The following CNIH3 variants were observed in gnomAD, a reference collection of about 807,000 sequenced individuals.
CNIH3 encodes the protein cornichon family AMPA receptor auxiliary protein 3, also known as protein cornichon homolog 3.
In CNIH3, 14 loss-of-function variants were observed where a neutral mutation model predicts 24.1. The observed-to-expected ratio is 0.58, with a 90% CI of 0.38 to 0.91. CNIH3 has a LOEUF of 0.91. Among genes scored for constraint, CNIH3 ranks in the 40% least tolerant of loss-of-function variants. The pLI is 0.00. For synonymous variants in CNIH3, 68 were observed against 73.8 expected (o/e 0.92, Z 0.40); for missense variants, 178 against 196.8 (o/e 0.90, Z 0.57).
intron 3 of CNIH3, among the ~76,000 whole-genome samples, chr1:224,555,777 T>G (rs756187439): frequency 6.6e-6 from 1 of 152,250 alleles, no homozygotes; most frequent in Non-Finnish European, 1.5e-5. Context: ...CTAATCCTTT[T>G]TTTTTCCTCG....
chr1:224,563,338 C>T (rs77882985), intron 3 of CNIH3, among the ~76,000 whole-genome samples: 38 of 151,964 alleles, frequency 2.5e-4, no homozygotes, highest in Non-Finnish European at 3.4e-4. Context: ...ATGGATAAAT[C>T]GTATCACTGT....
At chr1:224,665,940 G>A (rs532605416) in intron 1 of CNIH3, among the ~76,000 whole-genome samples, 5 of 152,212 alleles carry the variant, frequency 3.3e-5, no homozygotes, top group Non-Finnish European at 7.3e-5. Flanking sequence ...AACCAGTCAG[G>A]TGACTCTCAA....
At chr1:224,468,132 C>A (rs774164083) in intron 1 of CNIH3, among the ~76,000 whole-genome samples, 2 of 152,070 alleles carry the variant, frequency 1.3e-5, no homozygotes, top group African/African-American at 2.4e-5. Context: ...AATGATTCTT[C>A]TTACAACATT....
chr1:224,716,374 A>G (rs527590934), intron 3 of CNIH3, among the ~76,000 whole-genome samples: 122 of 152,354 alleles, frequency 8.0e-4, no homozygotes, highest in African/African-American at 2.1e-3. Flanking sequence ...AACTTCACGC[A>G]GGCAAGGATG....
At chr1:224,455,046 A>G (rs1015910109) in intron 1 of CNIH3, among the ~76,000 whole-genome samples, 3 of 152,182 alleles carry the variant, frequency 2.0e-5, no homozygotes, top group Non-Finnish European at 2.9e-5. Flanking sequence ...CACCTAACCT[A>G]CAGAACTTCA....
At chr1:224,644,447 C>T (rs1684504114) in intron 1 of CNIH3, among the ~76,000 whole-genome samples, 1 of 152,116 alleles carries the variant, frequency 6.6e-6, no homozygotes, top group Non-Finnish European at 1.5e-5. Context: ...AGCTAGACTA[C>T]AGGATATCGG....
intron 4 of CNIH3, among the ~76,000 whole-genome samples, chr1:224,566,996 C>T (rs764973039): frequency 5.3e-5 from 8 of 152,284 alleles, no homozygotes; most frequent in Non-Finnish European, 8.8e-5. Context: ...AGTGTAAAAG[C>T]GTTCCTATTT....
intron 1 of CNIH3, chr1:224,664,691 A>G (rs553706613): frequency 6.6e-6 from 1 of 152,332 alleles, no homozygotes; most frequent in South Asian, 2.1e-4. Flanking sequence ...ACAGCTAAGT[A>G]ACTGATTTCT....
rs527640004 is a variant in CNIH3, at chr1:224,657,842, A to G, written c.82-23116A>G. On this transcript the variant is annotated intron_variant, in intron 1 of 5. Coordinates refer to ENST00000272133, the MANE Select transcript of CNIH3 (RefSeq NM_152495.2). Reference sequence around the variant, plus strand: ...TCAAAGTAAAACAATTATGGATGACAAAAGTCTTAAGACAATCAGGGTTGA... The same window carrying G: ...TCAAAGTAAAACAATTATGGATGACGAAAGTCTTAAGACAATCAGGGTTGA... Among the ~76,000 whole-genome samples the G allele has an allele frequency of 2.6e-5, 4 of 152,350 alleles. No homozygotes were observed. The East Asian group carries it at 7.7e-4, about 29-fold the overall frequency.
intron 1 of CNIH3, among the ~76,000 whole-genome samples, chr1:224,679,469 G>A (rs1426318271): frequency 1.3e-5 from 2 of 152,232 alleles, no homozygotes; most frequent in Non-Finnish European, 2.9e-5. Flanking sequence ...TAGGCTGTGG[G>A]TGGAAGCTTC....
At chr1:224,484,314 C>T (rs1008089966) in intron 1 of CNIH3, among the ~76,000 whole-genome samples, 1 of 152,008 alleles carries the variant, frequency 6.6e-6, no homozygotes, top group Admixed American at 6.6e-5. Context: ...CCTGTAGTCC[C>T]AGCTACTGGG....
chr1:224,501,675 G>C (rs1677677772), intron 1 of CNIH3, among the ~76,000 whole-genome samples: 2 of 151,690 alleles, frequency 1.3e-5, no homozygotes, highest in Admixed American at 6.6e-5. Context: ...CCGTCTCCCA[G>C]GTTCAAGCGA....
rs577267308 is a variant in CNIH3, at chr1:224,660,723, A to G, written c.82-20235A>G. Among the ~76,000 whole-genome samples the G allele has an allele frequency of 4.6e-5, 7 of 152,360 alleles. No homozygotes were observed. In the East Asian group the frequency reaches 7.7e-4, roughly 17 times the overall value. The stretch of plus-strand genomic sequence containing the variant: ...TTAAGCCAGAAGTATATTACCATTA[A>G]CGCATTAATATCTTTCACTACTAAA... On this transcript the variant is annotated intron_variant, in intron 1 of 5. Transcript: ENST00000272133.
rs557553356 is a variant in CNIH3 at position 224,622,614 on chromosome 1, T to A, written c.81+5359T>A. On this transcript the variant is annotated intron_variant, in intron 1 of 5. Transcript: ENST00000272133. The stretch of plus-strand genomic sequence containing the variant: ...ATCAGGAACCAGCCCCAATCCCAAC[T>A]GTTTGGTGAGGTTTCAAGGCCTCAC... Among the ~76,000 whole-genome samples, 9 of 152,330 alleles carry A rather than the reference T, an allele frequency of 5.9e-5. No homozygotes were observed. The South Asian group carries it at 1.9e-3, about 32-fold the overall frequency.
chr1:224,514,718 C>A (rs184195903), upstream of CNIH3, among the ~76,000 whole-genome samples: 2 of 152,218 alleles, frequency 1.3e-5, no homozygotes, highest in East Asian at 3.9e-4. Flanking sequence ...GTAGTCCCAG[C>A]CACTTGGGAG....
intron 5 of CNIH3, among the ~76,000 whole-genome samples, chr1:224,735,291 G>C (rs1318586645): frequency 1.3e-5 from 2 of 152,228 alleles, no homozygotes; most frequent in African/African-American, 2.4e-5. Context: ...TGTTTCAGGA[G>C]TGTCCCTTCT....
intron 1 of CNIH3, among the ~76,000 whole-genome samples, chr1:224,675,234 C>T (rs1193964733): frequency 6.6e-6 from 1 of 152,112 alleles, no homozygotes; most frequent in Non-Finnish European, 1.5e-5. Flanking sequence ...ATGAAATGGG[C>T]CAATTCCTTG....
At chr1:224,590,894 A>T (rs1681730099), downstream of CNIH3, among the ~76,000 whole-genome samples, 1 of 142,638 alleles carries the variant, frequency 7.0e-6, no homozygotes, top group African/African-American at 2.6e-5. Flanking sequence ...CTGGGGCTTC[A>T]TTTGTACATT....
intron 3 of CNIH3, among the ~76,000 whole-genome samples, chr1:224,690,226 A>T (rs1686864059): frequency 6.6e-6 from 1 of 152,142 alleles, no homozygotes; most frequent in Admixed American, 6.5e-5. Context: ...TTTGAGACAG[A>T]GTCTCACTTT....
Sources: gnomAD v4.1 joint callset for allele counts (sites outside exome capture counted in the v4.1 genomes callset) on GRCh38, gnomAD v4.1.1 for gene constraint, MANE v1.5 for transcripts, NCBI Gene and HGNC (gene_info 2026-07-23, HGNC 2026-07-21) for gene names.